ARB2A: variants seen among roughly 807,000 people sequenced by gnomAD.
The protein encoded by ARB2A is ARB2 cotranscriptional regulator A.
At chr5:93,964,521 G>A in the ARB2A span, 1 of 1,568,336 alleles carries the variant, frequency 6.4e-7, no homozygotes, top group Non-Finnish European at 8.7e-7. Context: ...ACTTCGTGAT[G>A]ATCTAAGTAG....
At chr5:93,973,093 T>G in the ARB2A span, among the ~76,000 whole-genome samples, 1 of 149,628 alleles carries the variant, frequency 6.7e-6, no homozygotes, top group East Asian at 2.0e-4. Flanking sequence ...GGACTACAGG[T>G]GCATGTCACC....
the ARB2A span, among the ~76,000 whole-genome samples, chr5:93,926,403 G>A: frequency 1.1e-3 from 161 of 152,162 alleles, no homozygotes; most frequent in East Asian, 2.5e-3. Flanking sequence ...AAAGTGCTGG[G>A]ATTATAGGCA....
the ARB2A span, among the ~76,000 whole-genome samples, chr5:93,999,048 T>C: frequency 6.6e-6 from 1 of 152,058 alleles, no homozygotes; most frequent in Non-Finnish European, 1.5e-5. Flanking sequence ...AAAGTTAACA[T>C]ACTTTAATGC....
At chr5:93,712,047 G>A in the ARB2A span, among the ~76,000 whole-genome samples, 2 of 152,152 alleles carry the variant, frequency 1.3e-5, no homozygotes, top group African/African-American at 4.8e-5. Flanking sequence ...GTGCTGGGAC[G>A]GAAGTCCCAG....
chr5:94,095,354 G>A, the ARB2A span, among the ~76,000 whole-genome samples: 5 of 152,096 alleles, frequency 3.3e-5, no homozygotes, highest in African/African-American at 1.2e-4. Flanking sequence ...TTACTAAATC[G>A]AGATAAGAGT....
chr5:94,018,216 A>G, the ARB2A span, among the ~76,000 whole-genome samples: 5 of 152,230 alleles, frequency 3.3e-5, no homozygotes, highest in Admixed American at 3.3e-4. Context: ...TGCCTATAGC[A>G]GCAGCAGTCC....
chr5:93,803,649 C>T, the ARB2A span, among the ~76,000 whole-genome samples: 1 of 146,422 alleles, frequency 6.8e-6, no homozygotes, highest in Non-Finnish European at 1.5e-5. Flanking sequence ...ATCTGTATAA[C>T]AAACCCTCAT....
At chr5:94,056,532 A>G in the ARB2A span, among the ~76,000 whole-genome samples, 1 of 152,220 alleles carries the variant, frequency 6.6e-6, no homozygotes, top group Non-Finnish European at 1.5e-5. Context: ...AACCTATAAA[A>G]TACAATAGAT....
chr5:94,019,645 G>A, the ARB2A span, among the ~76,000 whole-genome samples: 1 of 152,190 alleles, frequency 6.6e-6, no homozygotes, highest in African/African-American at 2.4e-5. Context: ...ATCCTGGAGA[G>A]GATGTGGAGA....
At chr5:93,824,081 A>G in the ARB2A span, 1 of 1,343,044 alleles carries the variant, frequency 7.4e-7, no homozygotes, top group South Asian at 2.2e-5. Context: ...TGATACCAAC[A>G]GAAAGAAAGG....
At chr5:93,980,792 ATCTAT>A in the ARB2A span, among the ~76,000 whole-genome samples, 2 of 152,116 alleles carry the variant, frequency 1.3e-5, no homozygotes, top group African/African-American at 4.8e-5. Flanking sequence ...ATTATTTAAA[ATCTAT>A]TCTTTTAAAA....
At chr5:94,098,070 G>A in the ARB2A span, among the ~76,000 whole-genome samples, 1 of 152,186 alleles carries the variant, frequency 6.6e-6, no homozygotes, top group Admixed American at 6.5e-5. Context: ...CAGCCCAGGA[G>A]TGCTGAGCTG....
chr5:93,954,431 G>C, the ARB2A span, among the ~76,000 whole-genome samples: 1 of 151,944 alleles, frequency 6.6e-6, no homozygotes, highest in African/African-American at 2.4e-5. Flanking sequence ...CTAGTGTCTG[G>C]AATAGGAGCC....
the ARB2A span, among the ~76,000 whole-genome samples, chr5:93,915,313 G>A: frequency 6.6e-6 from 1 of 151,610 alleles, no homozygotes; most frequent in Admixed American, 6.6e-5. Context: ...TTCTAGTAAA[G>A]ACCATCAAAG....
At chr5:93,678,925 T>C in the ARB2A span, among the ~76,000 whole-genome samples, 2 of 152,290 alleles carry the variant, frequency 1.3e-5, no homozygotes, top group South Asian at 4.1e-4. Context: ...ACTTGTTTCC[T>C]GATACACAGA....
chr5:93,744,540 G>C, the ARB2A span, among the ~76,000 whole-genome samples: 1 of 149,928 alleles, frequency 6.7e-6, no homozygotes, highest in Non-Finnish European at 1.5e-5. Flanking sequence ...TTTGTACTTG[G>C]TCAGATCTCA....
the ARB2A span, among the ~76,000 whole-genome samples, chr5:94,001,303 C>T: frequency 6.6e-6 from 1 of 151,930 alleles, no homozygotes; most frequent in African/African-American, 2.4e-5. Flanking sequence ...TTATTTAGTT[C>T]TTTAGTTTCT....
At chr5:93,922,893 C>A in the ARB2A span, among the ~76,000 whole-genome samples, 6 of 151,960 alleles carry the variant, frequency 3.9e-5, no homozygotes, top group African/African-American at 1.4e-4. Context: ...TGAAATTAAA[C>A]CAAATGGTAG....
chr5:93,779,274 T>G, the ARB2A span, among the ~76,000 whole-genome samples: 1 of 152,178 alleles, frequency 6.6e-6, no homozygotes, highest in Admixed American at 6.5e-5. Context: ...AGCTATTATA[T>G]CTAAATTCAA....
Sources: allele counts gnomAD v4.1 joint callset (sites outside exome capture counted in the v4.1 genomes callset), GRCh38; gene constraint gnomAD v4.1.1; transcripts MANE v1.5; gene names NCBI Gene and HGNC (gene_info 2026-07-23, HGNC 2026-07-21).